Variants in SMAD4 observed in about 807,000 individuals in gnomAD.
The protein encoded by SMAD4 is MAD homolog 4.
In SMAD4, 7 loss-of-function variants were observed where a neutral mutation model predicts 63.2. The ratio of observed to expected loss-of-function variants is 0.11; its 90% CI spans 0.06 to 0.21. The LOEUF (loss-of-function observed/expected upper bound fraction) is 0.21, where lower values mean the gene tolerates loss of function less well. Among genes scored for constraint, SMAD4 ranks in the 10% least tolerant of loss-of-function variants. The pLI is 1.00. For synonymous variants in SMAD4, 215 were observed against 235.4 expected, an observed-to-expected ratio of 0.91 and a Z score of 0.79; for missense variants, 312 against 693.8, an observed-to-expected ratio of 0.45 and a Z score of 6.18.
intron 8 of SMAD4, among the ~76,000 whole-genome samples, chr18:51,063,510 T>C (rs1440492974): frequency 6.6e-6 from 1 of 152,208 alleles, no homozygotes; most frequent in East Asian, 1.9e-4. Context: ...CCTCCCAGAC[T>C]TAGGTGATTC....
Position 51,079,097 on chromosome 18 carries a change from C to CA in SMAD4, c.*636dup, listed in dbSNP as rs1400998666. 2.1e-5 allele frequency: 5 copies of CA among 232,786 alleles called. No individual in the cohort carries two copies. The highest frequency in any genetic ancestry group is 1.1e-4 in the African/African-American group (5 of 45,310). 14.4% of individuals were successfully genotyped at this position (232,786 alleles called of 1,614,324 possible). On this transcript the variant is annotated 3_prime_UTR_variant, in exon 12 of 12. Transcript: ENST00000342988. ...AACTTCAGTTTTATTTTTGCCAAGG[C>CA]AAAAAACTCTTAATCTGTGTGTATA...
At chr18:51,068,933 A>G (rs1910244086) in intron 10 of SMAD4, among the ~76,000 whole-genome samples, 2 of 152,142 alleles carry the variant, frequency 1.3e-5, no homozygotes, top group African/African-American at 2.4e-5. Context: ...AAATAAATAA[A>G]TAAATAGACA....
At chr18:51,031,326 G>C (rs1909044309) in intron 1 of SMAD4, among the ~76,000 whole-genome samples, 1 of 152,184 alleles carries the variant, frequency 6.6e-6, no homozygotes, top group Non-Finnish European at 1.5e-5. Context: ...TCTCAAACTA[G>C]ATTTTCAAAG....
chr18:51,041,192 A>T (rs892619256), intron 1 of SMAD4, among the ~76,000 whole-genome samples: 4 of 152,130 alleles, frequency 2.6e-5, no homozygotes, highest in Admixed American at 2.6e-4. Flanking sequence ...TTCTAATACA[A>T]ATCTAATGCT....
intron 10 of SMAD4, among the ~76,000 whole-genome samples, chr18:51,067,818 T>C (rs569399632): frequency 6.6e-6 from 1 of 152,334 alleles, no homozygotes; most frequent in East Asian, 1.9e-4. Flanking sequence ...CTCTGGACTT[T>C]CATCTTAGCC....
chr18:51,043,144 ATTTTG>A (rs1237445962), intron 1 of SMAD4, among the ~76,000 whole-genome samples: 1 of 152,182 alleles, frequency 6.6e-6, no homozygotes, highest in Admixed American at 6.5e-5. Flanking sequence ...GTAGTTTAGA[ATTTTG>A]TTTCAGTAAA....
rs1208280324 is a variant in SMAD4, at chr18:51,079,871, C to T, written c.*1404C>T. ...TGATGAGGTACCTTCTACTAAATGA[C>T]AGGCAACAGCCAGTTCTATTGGGCA... On this transcript the variant is annotated 3_prime_UTR_variant, in exon 12 of 12. Transcript: ENST00000342988. 5 of 232,094 alleles carry T rather than the reference C, an allele frequency of 2.2e-5. No individual in the cohort carries two copies. The highest frequency in any genetic ancestry group is 4.3e-5 in the Non-Finnish European group (5 of 117,564). 14.4% of individuals were successfully genotyped at this position (232,094 alleles called of 1,614,324 possible).
At chr18:51,056,588 C>CCAG (rs1481368224) in intron 5 of SMAD4, among the ~76,000 whole-genome samples, 1 of 141,666 alleles carries the variant, frequency 7.1e-6, no homozygotes, top group East Asian at 2.1e-4. Context: ...TCACTGCACT[C>CCAG]CAGCCTGGGC....
At chr18:51,041,213 C>T (rs1399272476) in intron 1 of SMAD4, among the ~76,000 whole-genome samples, 1 of 152,150 alleles carries the variant, frequency 6.6e-6, no homozygotes, top group African/African-American at 2.4e-5. Context: ...GTTTTTTCTC[C>T]TCTTTCTACC....
At chr18:51,047,743 G>A (rs1909588418) in intron 2 of SMAD4, among the ~76,000 whole-genome samples, 1 of 152,008 alleles carries the variant, frequency 6.6e-6, no homozygotes. Context: ...TAAGTAGCTG[G>A]GACTACAGGC....
rs556951898 is a variant in SMAD4 at position 51,058,493 on chromosome 18, T to G, written c.904+37T>G. On this transcript the variant is annotated intron_variant, in intron 7 of 11. Coordinates refer to ENST00000342988, the MANE Select transcript of SMAD4 (RefSeq NM_005359.6). ...TTTTTGTTGTAAGGGCTATTTTTTTTTTTTTTTTGGTAGGGCTTTGTTTTC... is the reference window on the plus strand; with the variant it reads ...TTTTTGTTGTAAGGGCTATTTTTTTGTTTTTTTTGGTAGGGCTTTGTTTTC... The G allele has an allele frequency of 1.1e-4, 157 of 1,423,064 alleles. No individual in the cohort carries two copies. The East Asian group carries it at 3.3e-3, about 30-fold the overall frequency. The allele number at this position is 1,423,064 out of a possible 1,614,324, so 88.2% of individuals were successfully genotyped here.
intron 1 of SMAD4, among the ~76,000 whole-genome samples, chr18:51,034,830 G>GC (rs1326752889): frequency 2.0e-5 from 3 of 152,190 alleles, no homozygotes; most frequent in Non-Finnish European, 1.5e-5. Flanking sequence ...AAAGGCATGA[G>GC]CCACCACGCC....
chr18:51,065,118 G>A (rs895870614), intron 8 of SMAD4, among the ~76,000 whole-genome samples: 2 of 151,900 alleles, frequency 1.3e-5, no homozygotes, highest in Admixed American at 6.6e-5. Flanking sequence ...GTCCTTTGAG[G>A]TAAGAACCAA....
chr18:51,046,091 G>T (rs1909534662), intron 1 of SMAD4, among the ~76,000 whole-genome samples: 1 of 152,134 alleles, frequency 6.6e-6, no homozygotes, highest in African/African-American at 2.4e-5. Context: ...GTACAGGTTT[G>T]TGTGGACATG....
intron 1 of SMAD4, among the ~76,000 whole-genome samples, chr18:51,038,172 G>A (rs1909259935): frequency 6.6e-6 from 1 of 150,750 alleles, no homozygotes; most frequent in Non-Finnish European, 1.5e-5. Flanking sequence ...TGAGAAGATT[G>A]CTTCAGCCAG....
rs1446170654 is a variant in SMAD4 at position 51,048,850 on chromosome 18, A to T, written c.414A>T (p.Ser138=). The part of the protein sequence containing the change: ...VNPYHYERVV[S]PGIDLSGLTL... ...CATATCACTACGAACGAGTTGTATC[A>T]CCTGGAATTGGTAAGTAGACTTTGC... is the stretch of plus-strand genomic sequence containing the variant. Residue 138 remains serine (S), a synonymous_variant, in exon 3 of 12, where the codon TCA becomes TCT. Coordinates refer to ENST00000342988, the MANE Select transcript of SMAD4 (RefSeq NM_005359.6). 1.2e-6 allele frequency: 2 copies of T among 1,613,310 alleles called. No individual in the cohort carries two copies. The highest frequency in any genetic ancestry group is 2.7e-5 in the African/African-American group (2 of 74,906).
In SMAD4 at chr18:51,045,590, A is replaced by G. The variant is rs1016550712; in HGVS notation, c.-127-1330A>G. 2.0e-5 allele frequency among the ~76,000 whole-genome samples: 3 copies of G among 152,082 alleles called. No individual in the cohort carries two copies. In the East Asian group the frequency reaches 5.8e-4, roughly 29 times the overall value. ...ATTTACCCTGCTGCTTTTACAGGTA[A>G]AATCTTTTGAGGAATTTAGTGATCT... On this transcript the variant is annotated intron_variant, in intron 1 of 11. Transcript: ENST00000342988.
At chr18:51,036,154 G>A (rs1909198706) in intron 1 of SMAD4, among the ~76,000 whole-genome samples, 1 of 151,852 alleles carries the variant, frequency 6.6e-6, no homozygotes, top group Non-Finnish European at 1.5e-5. Context: ...TTTTAAAACT[G>A]TTTTGTAGAA....
chr18:51,043,901 A>G (rs1909461022), intron 1 of SMAD4, among the ~76,000 whole-genome samples: 2 of 152,254 alleles, frequency 1.3e-5, no homozygotes, highest in African/African-American at 4.8e-5. Context: ...CCACAGAATA[A>G]AAAGCTATGG....
Sources: gnomAD v4.1 joint callset for allele counts (sites outside exome capture counted in the v4.1 genomes callset) on GRCh38, gnomAD v4.1.1 for gene constraint, MANE v1.5 for transcripts, NCBI Gene and HGNC (gene_info 2026-07-23, HGNC 2026-07-21) for gene names.